MTMR2: variants seen among roughly 807,000 people sequenced by gnomAD.
The protein encoded by MTMR2 is phosphatidylinositol-3,5-bisphosphate 3-phosphatase MTMR2.
A neutral mutation model predicts 86.9 loss-of-function variants in MTMR2; 55 were observed. That is an observed-to-expected ratio of 0.63 (90% CI 0.51 to 0.79). The LOEUF is 0.79. Ranked by LOEUF, MTMR2 falls within the 30% of genes least tolerant of loss-of-function variation. The pLI is 0.00. For missense variants in MTMR2, 659 were observed against 772.3 expected (o/e 0.85, Z 1.74); for synonymous variants, 241 against 266.8 (o/e 0.90, Z 0.94).
Position 95,845,171 on chromosome 11 carries a change from A to AT in MTMR2, c.1180-13dup, listed in dbSNP as rs2135426781. 6.3e-7 allele frequency: 1 copy of AT among 1,587,062 alleles called. No individual in the cohort carries two copies. The highest frequency in any genetic ancestry group is 2.2e-5 in the East Asian group (1 of 44,836). Reference sequence around the variant, plus strand: ...CCTGCAAGAATAAGCTGGAAAACAGATTTTTTAATACATTGTTTTTAAACA... The same window carrying AT: ...CCTGCAAGAATAAGCTGGAAAACAGATTTTTTTAATACATTGTTTTTAAACA... On this transcript the variant is annotated splice_polypyrimidine_tract_variant and intron_variant, in intron 10 of 14. Coordinates refer to ENST00000346299, the MANE Select transcript of MTMR2 (RefSeq NM_016156.6).
At chr11:95,855,451 T>A (rs1864174530) in intron 7 of MTMR2, among the ~76,000 whole-genome samples, 1 of 150,188 alleles carries the variant, frequency 6.7e-6, no homozygotes, top group Admixed American at 6.6e-5. Flanking sequence ...GGTGTTTCAC[T>A]ATGTTGCCCA....
In MTMR2 at chr11:95,888,149, T is replaced by C. The variant is rs777406832; in HGVS notation, c.186+7A>G. 2 of 1,572,338 alleles carry C rather than the reference T, an allele frequency of 1.3e-6. No individual in the cohort carries two copies. The highest frequency in any genetic ancestry group is 1.7e-6 in the Non-Finnish European group (2 of 1,145,512). On this transcript the variant is annotated splice_region_variant and intron_variant, in intron 2 of 14. Coordinates refer to ENST00000346299, the MANE Select transcript of MTMR2 (RefSeq NM_016156.6). Reference sequence around the variant, plus strand: ...ACTTCATCAGAACTTTAAAATAGTATACATACCCTCAAATCAGGAGAAAAG... The same window carrying C: ...ACTTCATCAGAACTTTAAAATAGTACACATACCCTCAAATCAGGAGAAAAG...
intron 1 of MTMR2, among the ~76,000 whole-genome samples, chr11:95,915,990 T>C (rs1431335844): frequency 3.9e-5 from 6 of 152,110 alleles, no homozygotes; most frequent in Non-Finnish European, 4.4e-5. Context: ...CACAAAAAAA[T>C]AGAAAGCTAA....
At chr11:95,888,339 C>A (rs1865588207) in intron 1 of MTMR2, 78 bp from the exon 2 acceptor site, 3 of 930,876 alleles carry the variant, frequency 3.2e-6, no homozygotes, top group African/African-American at 1.7e-5. Context: ...TTTAATATAA[C>A]TCCAATATTT....
intron 5 of MTMR2, 124 bp from the exon 6 acceptor site, chr11:95,858,756 A>G: frequency 1.4e-6 from 1 of 692,644 alleles, no homozygotes; most frequent in Non-Finnish European, 2.6e-6. Context: ...AAAATAAATC[A>G]GACATCAGCT....
chr11:95,888,098 T>A (rs1336796368), intron 2 of MTMR2, 58 bp downstream of exon 2: 2 of 1,254,684 alleles, frequency 1.6e-6, no homozygotes, highest in Non-Finnish European at 2.3e-6. Flanking sequence ...ATTGATAGTG[T>A]TGGCCACAAA....
In MTMR2 at chr11:95,858,579, G is replaced by A. The variant is rs146014892; in HGVS notation, c.522C>T (p.Ser174=). The A allele has an allele frequency of 1.5e-5, 24 of 1,612,786 alleles. No individual in the cohort carries two copies. The highest frequency in any genetic ancestry group is 5.0e-5 in the Admixed American group (3 of 59,994). ...AHKPEGRTRR[S]IFENLMKYAF... ...CATATTTCATTAGATTCTCAAATAT[G>A]GATCTTCTTGTCCGCCCCTCAGGTT... Residue 174 remains serine (S), a synonymous_variant, in exon 6 of 15, where the codon TCC becomes TCT. Coordinates refer to ENST00000346299, the MANE Select transcript of MTMR2 (RefSeq NM_016156.6).
intron 2 of MTMR2, among the ~76,000 whole-genome samples, chr11:95,883,947 T>C (rs1161583261): frequency 6.6e-6 from 1 of 152,212 alleles, no homozygotes; most frequent in Non-Finnish European, 1.5e-5. Flanking sequence ...ACACTTTCTA[T>C]TTAAAAGCTA....
intron 5 of MTMR2, among the ~76,000 whole-genome samples, chr11:95,860,833 A>G (rs4753179): frequency 0.15 from 22,502 of 152,142 alleles, 2,234 homozygotes; most frequent in African/African-American, 0.27. Context: ...AAAAGTCTAC[A>G]ATATCAACTT....
intron 11 of MTMR2, 147 bp from the exon 12 acceptor site, chr11:95,841,856 G>A: frequency 1.4e-6 from 1 of 699,074 alleles, no homozygotes; most frequent in South Asian, 1.5e-5. Context: ...AACACTTTGG[G>A]AGGCTGTGGT....
Position 95,923,893 on chromosome 11 carries a change from C to G in MTMR2, c.62G>C (p.Ser21Thr), listed in dbSNP as rs750766331. The change falls in exon 1 of 15, where the codon AGC becomes ACC. Residue 21 changes from serine to threonine, a missense_variant. By Grantham distance (58) the Ser-to-Thr change is moderately conservative. Coordinates refer to ENST00000346299, the MANE Select transcript of MTMR2 (RefSeq NM_016156.6). The part of the protein sequence containing the change: ...GSQPAAARPP[S>T]VDSLSSASTS... Reference sequence around the variant, plus strand: ...TGGTTACCTGGACAAGGAGTCCACGCTGGGCGGCCGAGCCGCCGCCGGCTG... The same window carrying G: ...TGGTTACCTGGACAAGGAGTCCACGGTGGGCGGCCGAGCCGCCGCCGGCTG... The G allele has an allele frequency of 6.4e-7, 1 of 1,556,576 alleles. No individual in the cohort carries two copies.
chr11:95,847,611 T>C (rs1863844857), intron 10 of MTMR2, 103 bp downstream of exon 10: 2 of 1,072,970 alleles, frequency 1.9e-6, no homozygotes, highest in African/African-American at 1.6e-5. Context: ...TTTTTCATTG[T>C]TTAGAAAGGT....
At chr11:95,837,773 C>T (rs1428372887) in intron 13 of MTMR2, among the ~76,000 whole-genome samples, 1 of 151,998 alleles carries the variant, frequency 6.6e-6, no homozygotes, top group African/African-American at 2.4e-5. Context: ...TCTGCACCTG[C>T]TGTAAAGGAT....
At chr11:95,886,877 T>C (rs1865531858) in intron 2 of MTMR2, among the ~76,000 whole-genome samples, 1 of 152,138 alleles carries the variant, frequency 6.6e-6, no homozygotes, top group Admixed American at 6.5e-5. Flanking sequence ...TAGTAACAAC[T>C]TGAGAAGCAA....
At chr11:95,922,704 T>C (rs1355711463) in intron 1 of MTMR2, among the ~76,000 whole-genome samples, 1 of 152,204 alleles carries the variant, frequency 6.6e-6, no homozygotes, top group Non-Finnish European at 1.5e-5. Flanking sequence ...AATTATAGTG[T>C]GCTTATTAAA....
At position 95,852,828 on chromosome 11, in the gene MTMR2, A is replaced by G. The variant is rs1172779835; in HGVS notation, c.655-2079T>C. Among the ~76,000 whole-genome samples, 3 of 152,144 alleles carry G rather than the reference A, an allele frequency of 2.0e-5. No homozygotes were observed. The East Asian group carries it at 5.8e-4, about 29-fold the overall frequency. On this transcript the variant is annotated intron_variant, in intron 7 of 14. Transcript: ENST00000346299. Reference sequence around the variant, plus strand: ...AGAGGTGGGCAGATCACTAGAAGTCAGGAGTTCAAGACCAGCCTGGCCAAC... The same window carrying G: ...AGAGGTGGGCAGATCACTAGAAGTCGGGAGTTCAAGACCAGCCTGGCCAAC...
intron 2 of MTMR2, among the ~76,000 whole-genome samples, chr11:95,878,460 AT>A (rs1163731523): frequency 6.6e-6 from 1 of 152,056 alleles, no homozygotes; most frequent in Non-Finnish European, 1.5e-5. Context: ...TAATATAAAA[AT>A]GTATCAGTAT....
In MTMR2 at chr11:95,888,211, A is replaced by T; in HGVS notation, c.131T>A (p.Val44Asp). The stretch of plus-strand genomic sequence containing the variant: ...AGTTGAAATGGAATCTGATGATACA[A>T]CAGAAGCTGATTTTGTATGCACTGA... ...ENSVHTKSASVVSSDSISTSA... is the reference protein window; with the variant it reads ...ENSVHTKSASDVSSDSISTSA... The change falls in exon 2 of 15, where the codon GTT (valine) becomes GAT (aspartate). Residue 44 changes from valine to aspartate, a missense_variant. Around this residue, in one of 3 missense-constraint regions of MTMR2, gnomAD observed 79 missense variants for 54.4 expected, o/e 1.45. Coordinates refer to ENST00000346299, the MANE Select transcript of MTMR2 (RefSeq NM_016156.6). The T allele has an allele frequency of 6.2e-7, 1 of 1,613,708 alleles. No individual in the cohort carries two copies. Among genetic ancestry groups the T allele is most frequent in the Non-Finnish European group, 8.5e-7 (1 of 1,179,754 alleles).
chr11:95,920,210 A>G (rs1866864914), intron 1 of MTMR2, among the ~76,000 whole-genome samples: 1 of 152,264 alleles, frequency 6.6e-6, no homozygotes, highest in Non-Finnish European at 1.5e-5. Flanking sequence ...GGGGATAGAT[A>G]TACATGAAGA....
Sources: gnomAD v4.1 joint callset for allele counts (sites outside exome capture counted in the v4.1 genomes callset) on GRCh38, gnomAD v4.1.1 for gene constraint, gnomAD v4.1.1 regional missense constraint, MANE v1.5 for transcripts, NCBI Gene and HGNC (gene_info 2026-07-23, HGNC 2026-07-21) for gene names.